The following LAMC2 variants were observed in gnomAD, a reference collection of about 807,000 sequenced individuals.
LAMC2 encodes laminin subunit gamma-2.
Under a neutral mutation model 140.2 loss-of-function variants are expected in LAMC2, and 97 were observed. The ratio of observed to expected loss-of-function variants is 0.69; its 90% confidence interval spans 0.59 to 0.82. The LOEUF (loss-of-function observed/expected upper bound fraction) is 0.82, where lower values mean the gene tolerates loss of function less well. Among genes scored for constraint, LAMC2 ranks in the 40% least tolerant of loss-of-function variants. The pLI is 0.00. For missense variants in LAMC2, 1,402 were observed against 1,476.1 expected (o/e 0.95, Z 0.82); for synonymous variants, 513 against 540.2 (o/e 0.95, Z 0.70).
chr1:183,228,433 C>T lies in LAMC2; in HGVS notation c.1528C>T (p.Pro510Ser), dbSNP rs1659697802. The change falls in exon 11 of 23, where the codon CCA (proline) becomes TCA (serine). Residue 510 changes from proline to serine, a missense_variant. Pro to Ser is a moderately conservative substitution (Grantham distance 74, BLOSUM62 -1). Coordinates refer to ENST00000264144, the MANE Select transcript of LAMC2 (RefSeq NM_005562.3). This position sits in a 1 kb window ranked among gnomAD's most constrained non-coding sequence, Gnocchi z 4.3. ...TGGGGACCCCTTTGGTGAACATGGC[C>T]CAGTGAGGCCTTGTCAGCCCTGTCA... ...YFGDPFGEHG[P>S]VRPCQPCQCN... 3 of 1,613,862 alleles carry T rather than the reference C, an allele frequency of 1.9e-6. No individual in the cohort carries two copies. The highest frequency in any genetic ancestry group is 2.5e-6 in the Non-Finnish European group (3 of 1,180,002).
chr1:183,230,340 G>A (rs1659762285), intron 11 of LAMC2, among the ~76,000 whole-genome samples: 1 of 152,214 alleles, frequency 6.6e-6, no homozygotes, highest in South Asian at 2.1e-4. Context: ...TCAGCGTTTT[G>A]TGAGCACTGA....
chr1:183,206,391 C>A (rs528937765), intron 1 of LAMC2, among the ~76,000 whole-genome samples: 1 of 152,316 alleles, frequency 6.6e-6, no homozygotes, highest in South Asian at 2.1e-4. Context: ...CGCCTGTAAT[C>A]CCAGCACTTT....
chr1:183,226,642 C>A, intron 8 of LAMC2, 56 bp from the exon 9 acceptor site: 1 of 1,416,344 alleles, frequency 7.1e-7, no homozygotes, highest in Non-Finnish European at 1.0e-6. Flanking sequence ...AGAGATCTGA[C>A]TTGAGATCTT....
Position 183,226,894 on chromosome 1 carries a change from A to G in LAMC2, c.1263A>G (p.Gly421=), listed in dbSNP as rs977636678. Residue 421 remains glycine, a synonymous_variant, in exon 9 of 23, where the codon GGA becomes GGG. Coordinates refer to ENST00000264144, the MANE Select transcript of LAMC2 (RefSeq NM_005562.3). ...GTCIPCNCQG[G]GACDPDTGDC... is the part of the protein sequence containing the mutation. ...GTATTCCTTGTAACTGTCAAGGGGG[A>G]GGGGCCTGTGATCCAGACACAGGTG... 1 of 1,613,424 alleles carries G rather than the reference A, an allele frequency of 6.2e-7. No homozygotes were observed. The highest frequency in any genetic ancestry group is 1.3e-5 in the African/African-American group (1 of 74,966).
chr1:183,242,880 C>T (rs555410353), intron 22 of LAMC2, among the ~76,000 whole-genome samples: 8 of 150,650 alleles, frequency 5.3e-5, no homozygotes, highest in Admixed American at 4.0e-4. Flanking sequence ...GACCTTAACA[C>T]GAAAGGAAAA....
intron 3 of LAMC2, 126 bp from the exon 4 acceptor site, chr1:183,218,264 G>A: frequency 1.3e-6 from 1 of 776,950 alleles, no homozygotes; most frequent in East Asian, 2.6e-5. Flanking sequence ...AGGATGGCTA[G>A]GAGAAGCCTC....
chr1:183,239,301 C>A (rs957059646), intron 19 of LAMC2, 63 bp from the exon 20 acceptor site: 1 of 1,412,222 alleles, frequency 7.1e-7, no homozygotes. Context: ...AACATCAGCC[C>A]CTTTCACTCA....
intron 1 of LAMC2, among the ~76,000 whole-genome samples, chr1:183,188,482 C>T (rs1658224391): frequency 6.6e-6 from 1 of 152,198 alleles, no homozygotes; most frequent in Non-Finnish European, 1.5e-5. Flanking sequence ...AGCTAAAGCA[C>T]AGGCTTTAGA....
Position 183,228,550 on chromosome 1 carries a change from T to C in LAMC2, c.1645T>C (p.Tyr549His). 1 of 1,614,028 alleles carries C rather than the reference T, an allele frequency of 6.2e-7. No individual in the cohort carries two copies. The highest frequency in any genetic ancestry group is 8.5e-7 in the Non-Finnish European group (1 of 1,180,026). Residue 549 changes from tyrosine to histidine, a missense_variant, in exon 11 of 23, where the codon TAC becomes CAC. Transcript: ENST00000264144. This position sits in a 1 kb window ranked among gnomAD's most constrained non-coding sequence, Gnocchi z 4.3. The part of the protein sequence containing the change: ...LKCIHNTAGI[Y>H]CDQCKAGYFG... ...GTGTATCCACAACACAGCCGGCATC[T>C]ACTGCGACCAGTGCAAAGCAGGCTA...
At chr1:183,210,993 A>G (rs1239176958) in intron 2 of LAMC2, among the ~76,000 whole-genome samples, 1 of 152,252 alleles carries the variant, frequency 6.6e-6, no homozygotes, top group African/African-American at 2.4e-5. Context: ...ATAACTTGAC[A>G]GGGAAATCTG....
At position 183,243,330 on chromosome 1, in the gene LAMC2, A is replaced by G; in HGVS notation, c.3512A>G (p.Lys1171Arg). 2 of 1,614,210 alleles carry G rather than the reference A, an allele frequency of 1.2e-6. No homozygotes were observed. Among genetic ancestry groups the G allele is most frequent in the Non-Finnish European group, 1.7e-6 (2 of 1,180,034 alleles). Reference sequence around the variant, plus strand: ...ATAGATGGGATTCTGGCTGATGTGAAGAACTTGGAGAACATTAGGGACAAC... The same window carrying G: ...ATAGATGGGATTCTGGCTGATGTGAGGAACTTGGAGAACATTAGGGACAAC... Reference protein sequence around the residue: ...TSIDGILADVKNLENIRDNLP... With the variant: ...TSIDGILADVRNLENIRDNLP... Residue 1171 changes from lysine (K) to arginine (R), a missense_variant, in exon 23 of 23, where the codon AAG becomes AGG. This residue lies in a region of LAMC2 where 670 missense variants were observed against 667.2 expected (regional missense o/e 1.00). Transcript: ENST00000264144.
At chr1:183,227,313 A>G (rs1303840105) in intron 9 of LAMC2, among the ~76,000 whole-genome samples, 2 of 152,162 alleles carry the variant, frequency 1.3e-5, no homozygotes, top group African/African-American at 4.8e-5. Context: ...TCTACTTTGC[A>G]TAGGGGAGTG....
At chr1:183,189,194 G>A (rs1415984603) in intron 1 of LAMC2, among the ~76,000 whole-genome samples, 1 of 152,194 alleles carries the variant, frequency 6.6e-6, no homozygotes, top group East Asian at 1.9e-4. Context: ...AGGGATATGA[G>A]TATAGGAAAG....
intron 4 of LAMC2, among the ~76,000 whole-genome samples, chr1:183,218,977 C>T (rs1408796480): frequency 6.6e-6 from 1 of 152,218 alleles, no homozygotes; most frequent in Admixed American, 6.5e-5. Context: ...TACATGCACA[C>T]ACATGAATGG....
chr1:183,234,503 A>AT (rs1392951047), intron 15 of LAMC2, 57 bp downstream of exon 15: 1 of 1,345,178 alleles, frequency 7.4e-7, no homozygotes, highest in African/African-American at 1.4e-5. Flanking sequence ...GCCAGACTTG[A>AT]ATAAGAGTGT....
chr1:183,207,979 A>T lies in LAMC2; in HGVS notation c.178A>T (p.Thr60Ser). 1 of 1,614,090 alleles carries T rather than the reference A, an allele frequency of 6.2e-7. No individual in the cohort carries two copies. Among genetic ancestry groups the T allele is most frequent in the Non-Finnish European group, 8.5e-7 (1 of 1,179,996 alleles). ...GFRCLNCNDNTDGIHCEKCKN... is the reference protein window; with the variant it reads ...GFRCLNCNDNSDGIHCEKCKN... ...CCGCTGCCTCAACTGCAATGACAAC[A>T]CTGATGGCATTCACTGCGAGAAGTG... Residue 60 changes from threonine (T) to serine (S), a missense_variant, in exon 2 of 23, where the codon ACT becomes TCT. Thr to Ser is a moderately conservative substitution (Grantham distance 58, BLOSUM62 1). Transcript: ENST00000264144.
At chr1:183,226,578 A>G in intron 8 of LAMC2, 120 bp from the exon 9 acceptor site, 1 of 856,984 alleles carries the variant, frequency 1.2e-6, no homozygotes, top group African/African-American at 1.6e-5. Flanking sequence ...ACATGGCATG[A>G]TATATGAACA....
At chr1:183,256,088 A>G in the LAMC2 span, among the ~76,000 whole-genome samples, 1 of 152,044 alleles carries the variant, frequency 6.6e-6, no homozygotes, top group African/African-American at 2.4e-5. Flanking sequence ...TTATAATGTT[A>G]GCTGTGGGTT....
At chr1:183,256,354 A>C in the LAMC2 span, among the ~76,000 whole-genome samples, 1 of 152,164 alleles carries the variant, frequency 6.6e-6, no homozygotes, top group Non-Finnish European at 1.5e-5. Flanking sequence ...GGTTGCAGTG[A>C]GCAGAGATTG....
Sources: gnomAD v4.1 joint callset for allele counts (sites outside exome capture counted in the v4.1 genomes callset) on GRCh38, gnomAD v4.1.1 for gene constraint, gnomAD v4.1.1 regional missense constraint, Gnocchi (gnomAD v3.1) non-coding constraint, MANE v1.5 for transcripts, NCBI Gene and HGNC (gene_info 2026-07-23, HGNC 2026-07-21) for gene names.